CDH2: variants seen among roughly 807,000 people sequenced by gnomAD.
CDH2 encodes cadherin-2.
A neutral mutation model predicts 92.0 loss-of-function variants in CDH2; 17 were observed. The ratio of observed to expected loss-of-function variants is 0.18; its 90% CI spans 0.13 to 0.28. The LOEUF (loss-of-function observed/expected upper bound fraction) is 0.28. Among genes scored for constraint, CDH2 ranks in the 10% least tolerant of loss-of-function variants. The probability of loss-of-function intolerance (pLI) is 1.00; values close to 1 mark genes in which losing one functional copy is unlikely to be tolerated. For synonymous variants in CDH2, 419 were observed against 415.9 expected, an observed-to-expected ratio of 1.01 and a Z score of -0.09; for missense variants, 862 against 1,133.1, an observed-to-expected ratio of 0.76 and a Z score of 3.44.
chr18:28,098,247 A>T (rs2015169208), intron 2 of CDH2, among the ~76,000 whole-genome samples: 1 of 152,200 alleles, frequency 6.6e-6, no homozygotes, highest in East Asian at 1.9e-4. Flanking sequence ...AATAACTTAA[A>T]ATATATCATT....
At chr18:28,000,837 C>T (rs1052141868) in intron 7 of CDH2, among the ~76,000 whole-genome samples, 8 of 151,982 alleles carry the variant, frequency 5.3e-5, no homozygotes, top group Non-Finnish European at 1.5e-5. Flanking sequence ...TGTCATACAT[C>T]CTGAGAGCAC....
At chr18:28,037,515 A>T (rs1428773749) in intron 2 of CDH2, among the ~76,000 whole-genome samples, 1 of 152,190 alleles carries the variant, frequency 6.6e-6, no homozygotes. Context: ...TTACAGAAAT[A>T]CTTTGAGACA....
intron 2 of CDH2, among the ~76,000 whole-genome samples, chr18:28,059,322 C>G (rs1462400572): frequency 6.6e-6 from 1 of 152,172 alleles, no homozygotes; most frequent in Non-Finnish European, 1.5e-5. Context: ...ACCTAAGTGA[C>G]AGCCTGACCA....
chr18:28,115,327 T>C (rs1469960234), intron 2 of CDH2, among the ~76,000 whole-genome samples: 1 of 152,166 alleles, frequency 6.6e-6, no homozygotes, highest in African/African-American at 2.4e-5. Flanking sequence ...CATACTGTTT[T>C]AGTTACTCCC....
At chr18:28,076,079 G>A (rs2014713842) in intron 2 of CDH2, among the ~76,000 whole-genome samples, 1 of 152,046 alleles carries the variant, frequency 6.6e-6, no homozygotes. Flanking sequence ...GCTTTAAAAT[G>A]GAATGAGGTA....
intron 6 of CDH2, among the ~76,000 whole-genome samples, chr18:27,937,560 T>C (rs1909047358): frequency 6.6e-6 from 1 of 152,214 alleles, no homozygotes; most frequent in Non-Finnish European, 1.5e-5. Flanking sequence ...TCAGGTACCA[T>C]TGATATGCAC....
chr18:27,950,846 G>A (rs911414748), downstream of CDH2: 6 of 152,172 alleles, frequency 3.9e-5, no homozygotes, highest in African/African-American at 7.2e-5. Flanking sequence ...CATGCTACGC[G>A]TTTCAATGGT....
intron 15 of CDH2, among the ~76,000 whole-genome samples, chr18:27,960,463 G>A (rs1020478046): frequency 6.6e-6 from 1 of 152,196 alleles, no homozygotes; most frequent in African/African-American, 2.4e-5. Context: ...CCTGCAAGAT[G>A]CTGGGTGGTG....
At chr18:28,119,454 T>C (rs1201498630) in intron 2 of CDH2, among the ~76,000 whole-genome samples, 1 of 152,056 alleles carries the variant, frequency 6.6e-6, no homozygotes, top group Non-Finnish European at 1.5e-5. Context: ...CTACATACAA[T>C]CAGATCCTTA....
intron 2 of CDH2, among the ~76,000 whole-genome samples, chr18:28,105,492 T>C (rs1206387637): frequency 1.3e-5 from 2 of 152,150 alleles, no homozygotes; most frequent in African/African-American, 2.4e-5. Context: ...TCCAAATTCC[T>C]GCTATCATTT....
At chr18:28,032,063 T>C (rs1401095082) in intron 2 of CDH2, among the ~76,000 whole-genome samples, 1 of 152,144 alleles carries the variant, frequency 6.6e-6, no homozygotes, top group Non-Finnish European at 1.5e-5. Context: ...GATGTTGCAG[T>C]GTAGTTATTG....
chr18:28,109,118 A>G (rs1277220651), intron 2 of CDH2, among the ~76,000 whole-genome samples: 1 of 152,186 alleles, frequency 6.6e-6, no homozygotes, highest in Non-Finnish European at 1.5e-5. Context: ...TGTATCTACA[A>G]ACTCCTATTA....
intron 2 of CDH2, among the ~76,000 whole-genome samples, chr18:28,080,447 T>A (rs2014807475): frequency 6.6e-6 from 1 of 152,142 alleles, no homozygotes; most frequent in Admixed American, 6.6e-5. Context: ...GCCTTCTAAA[T>A]TTTGAGGTTG....
intron 4 of CDH2, 102 bp downstream of exon 4, chr18:28,011,744 T>C: frequency 2.7e-6 from 3 of 1,099,114 alleles, no homozygotes; most frequent in East Asian, 2.4e-5. Context: ...ACTTTTAGTA[T>C]ATACATGTCA....
At chr18:28,086,914 A>G (rs1471230524) in intron 2 of CDH2, among the ~76,000 whole-genome samples, 2 of 152,158 alleles carry the variant, frequency 1.3e-5, no homozygotes, top group Admixed American at 1.3e-4. Flanking sequence ...GTCTTGCTCC[A>G]GTTTAAGGTT....
chr18:28,003,199 GT>G, intron 6 of CDH2, 30 bp from the exon 7 acceptor site: 2 of 1,564,600 alleles, frequency 1.3e-6, no homozygotes, highest in Non-Finnish European at 1.8e-6. Context: ...AAAATGAATG[GT>G]TACCCTTCAT....
intron 2 of CDH2, among the ~76,000 whole-genome samples, chr18:28,081,616 T>C (rs1039652102): frequency 2.6e-5 from 4 of 152,190 alleles, no homozygotes; most frequent in African/African-American, 9.7e-5. Flanking sequence ...ATCAAATACA[T>C]AATTACTTGT....
chr18:28,015,452 T>C (rs996030684), intron 2 of CDH2, among the ~76,000 whole-genome samples: 4 of 152,072 alleles, frequency 2.6e-5, no homozygotes, highest in Non-Finnish European at 5.9e-5. Context: ...AAGTGAAAAA[T>C]GGGAATCTTT....
At chr18:28,176,344 G>A (rs946133225) in intron 1 of CDH2, among the ~76,000 whole-genome samples, 1 of 152,152 alleles carries the variant, frequency 6.6e-6, no homozygotes, top group Non-Finnish European at 1.5e-5. Flanking sequence ...CGGGCAAGAG[G>A]GCCAGATTTT....
Sources: allele counts gnomAD v4.1 joint callset (sites outside exome capture counted in the v4.1 genomes callset), GRCh38; gene constraint gnomAD v4.1.1; transcripts MANE v1.5; gene names NCBI Gene and HGNC (gene_info 2026-07-23, HGNC 2026-07-21).